MIDEAS: variants seen among roughly 807,000 people sequenced by gnomAD.
The protein encoded by MIDEAS is mitotic deacetylase associated SANT domain protein, also known as mitotic deacetylase-associated SANT domain protein.
A neutral mutation model predicts 102.7 loss-of-function variants in MIDEAS; 26 were observed. That is an observed-to-expected ratio of 0.25 (90% CI 0.19 to 0.35). The LOEUF (loss-of-function observed/expected upper bound fraction) is 0.35, where lower values mean the gene tolerates loss of function less well. Among genes scored for constraint, MIDEAS ranks in the 10% least tolerant of loss-of-function variants. The pLI, the probability that MIDEAS is intolerant of heterozygous loss-of-function variation, is 1.00. For synonymous variants in MIDEAS, 585 were observed against 591.0 expected (o/e 0.99, Z 0.15); for missense variants, 1,231 against 1,435.6 (o/e 0.86, Z 2.30).
At chr14:73,783,255 G>A (rs866405237) in intron 1 of MIDEAS, among the ~76,000 whole-genome samples, 7 of 152,142 alleles carry the variant, frequency 4.6e-5, no homozygotes, top group African/African-American at 1.7e-4. Flanking sequence ...CCCGGGGGAG[G>A]CCCACAGGGT....
chr14:73,722,328 A>G (rs2053005572), intron 10 of MIDEAS: 1 of 166,308 alleles, frequency 6.0e-6, no homozygotes, highest in Admixed American at 5.8e-5. Context: ...TAGTATATGA[A>G]TATGACAAAA....
chr14:73,766,851 ATT>A (rs34401057), intron 1 of MIDEAS, among the ~76,000 whole-genome samples: 10 of 75,898 alleles, frequency 1.3e-4, no homozygotes, highest in African/African-American at 4.7e-4. Context: ...CTGCCCGGCC[ATT>A]TTTTTTTTTT....
intron 10 of MIDEAS, 171 bp downstream of exon 10, chr14:73,722,527 G>A (rs2053008494): frequency 3.2e-6 from 2 of 633,782 alleles, no homozygotes; most frequent in Non-Finnish European, 5.4e-6. Context: ...GACACCAGCA[G>A]TATAGAGAGG....
chr14:73,753,196 G>A (rs2053442428), intron 1 of MIDEAS, among the ~76,000 whole-genome samples: 1 of 152,238 alleles, frequency 6.6e-6, no homozygotes, highest in African/African-American at 2.4e-5. Context: ...AGGGCTCAAG[G>A]CTGGGCTCCT....
Position 73,742,523 on chromosome 14 carries a change from T to A in MIDEAS, c.-247-2268A>T, listed in dbSNP as rs897181489. Among the ~76,000 whole-genome samples the A allele has an allele frequency of 3.0e-4, 46 of 152,188 alleles. No individual in the cohort carries two copies. The highest frequency in any genetic ancestry group is 6.0e-4 in the Non-Finnish European group (41 of 68,022). On this transcript the variant is annotated intron_variant, in intron 1 of 12. Transcript: ENST00000423556. This position sits in a 1 kb window ranked among gnomAD's most constrained non-coding sequence, Gnocchi z 4.4. Reference sequence around the variant, plus strand: ...TTACAGGGGCTTACCCACAGCTGTATGGTCAGCCCTGGAGGAGCTGAGCTC... The same window carrying A: ...TTACAGGGGCTTACCCACAGCTGTAAGGTCAGCCCTGGAGGAGCTGAGCTC...
intron 5 of MIDEAS, 101 bp from the exon 6 acceptor site, chr14:73,727,073 G>A (rs771595866): frequency 1.8e-4 from 264 of 1,428,930 alleles, no homozygotes; most frequent in Non-Finnish European, 2.3e-4. Context: ...AGCCGGCAGA[G>A]CAAGGCCTCA....
rs2052905515 is a variant in MIDEAS, at chr14:73,717,239, T to TA, written c.*1603dup. On this transcript the variant is annotated 3_prime_UTR_variant, in exon 13 of 13. Coordinates refer to ENST00000423556, the MANE Select transcript of MIDEAS (RefSeq NM_001367710.1). ...TCCTTCCTAATACGTTGACCTGTCA[T>TA]ACGCGCATTCACTTAGAATTTCTTT... 1 of 152,266 alleles carries TA rather than the reference T, an allele frequency of 6.6e-6. No homozygotes were observed. The highest frequency in any genetic ancestry group is 1.5e-5 in the Non-Finnish European group (1 of 68,050). The allele number at this position is 152,266 out of a possible 1,614,324, so 9.4% of individuals were successfully genotyped here.
chr14:73,740,224 C>T lies in MIDEAS; in HGVS notation c.-216G>A. Reference sequence around the variant, plus strand: ...AGGCTCTGGGGCTCAGCTACTCTTCCCAGTTCATGATGCTCCACAGGGTTC... The same window carrying T: ...AGGCTCTGGGGCTCAGCTACTCTTCTCAGTTCATGATGCTCCACAGGGTTC... On this transcript the variant is annotated 5_prime_UTR_variant, in exon 2 of 13. It introduces an in-frame stop codon into an upstream open reading frame of the 5' UTR. Transcript: ENST00000423556. 2.1e-6 allele frequency: 1 copy of T among 485,734 alleles called. No homozygotes were observed. Among genetic ancestry groups the T allele is most frequent in the Non-Finnish European group, 3.3e-6 (1 of 301,094 alleles). 30.1% of individuals were successfully genotyped at this position (485,734 alleles called of 1,614,324 possible). A position where few individuals can be genotyped will look rare whatever the true frequency, so the allele number is the denominator to read the frequency against.
At chr14:73,729,267 G>C (rs566636389) in intron 4 of MIDEAS, 76 of 185,038 alleles carry the variant, frequency 4.1e-4, no homozygotes, top group Non-Finnish European at 7.4e-4. Context: ...TGGCTATTAG[G>C]TTGAACCAAA....
intron 1 of MIDEAS, among the ~76,000 whole-genome samples, chr14:73,766,054 C>T (rs1334009806): frequency 6.6e-6 from 1 of 152,240 alleles, no homozygotes; most frequent in Non-Finnish European, 1.5e-5. Context: ...TTCCCTTCCT[C>T]CCTTCCTCCA....
intron 4 of MIDEAS, 121 bp downstream of exon 4, chr14:73,729,519 A>G: frequency 1.2e-6 from 1 of 821,398 alleles, no homozygotes; most frequent in Non-Finnish European, 1.9e-6. Flanking sequence ...GAGAAGACAG[A>G]GCAGAGCTCC....
rs2053300779 is a variant in MIDEAS at position 73,742,872 on chromosome 14, TAAG to T, written c.-247-2620_-247-2618del. Among the ~76,000 whole-genome samples the T allele has an allele frequency of 6.6e-6, 1 of 152,122 alleles. No individual in the cohort carries two copies. Among genetic ancestry groups the T allele is most frequent in the African/African-American group, 2.4e-5 (1 of 41,416 alleles). On this transcript the variant is annotated intron_variant, in intron 1 of 12. Transcript: ENST00000423556. The surrounding 1 kb of genome is among the most constrained non-coding windows in gnomAD (Gnocchi z 4.4). The stretch of plus-strand genomic sequence containing the variant: ...GAGGCACACCTAGGCAGCAGGGCAC[TAAG>T]TAGTCATAGGAGTAATGATGATGGT...
rs538451179 is a variant in MIDEAS, at chr14:73,738,496, C to T, written c.1449+64G>A. The T allele has an allele frequency of 9.6e-6, 9 of 936,472 alleles. No individual in the cohort carries two copies. The African/African-American group carries it at 1.1e-4, about 12-fold the overall frequency. 58.0% of individuals were successfully genotyped at this position (936,472 alleles called of 1,614,324 possible). ...TTCCCTAGGCAAGAAGCAAATCCTG[C>T]AGCCGCCCACCTATCAGCCTGATGC... On this transcript the variant is annotated intron_variant, in intron 2 of 12. Coordinates refer to ENST00000423556, the MANE Select transcript of MIDEAS (RefSeq NM_001367710.1).
chr14:73,726,216 C>T, intron 7 of MIDEAS, 108 bp from the exon 8 acceptor site: 1 of 908,490 alleles, frequency 1.1e-6, no homozygotes, highest in Non-Finnish European at 1.8e-6. Context: ...CTTACTCTTG[C>T]CCCCTTAACT....
At chr14:73,730,775 A>G (rs572700918) in intron 3 of MIDEAS, among the ~76,000 whole-genome samples, 1 of 152,216 alleles carries the variant, frequency 6.6e-6, no homozygotes, top group Admixed American at 6.5e-5. Context: ...CCTGGCCAAC[A>G]TGGCAAAACC....
intron 1 of MIDEAS, among the ~76,000 whole-genome samples, chr14:73,741,707 C>T (rs2053283445): frequency 6.6e-6 from 1 of 152,186 alleles, no homozygotes; most frequent in South Asian, 2.1e-4. Context: ...GCCTCCTGCC[C>T]GCCTGCGTGA....
At chr14:73,772,702 T>C (rs2053652330) in intron 1 of MIDEAS, among the ~76,000 whole-genome samples, 1 of 152,162 alleles carries the variant, frequency 6.6e-6, no homozygotes, top group South Asian at 2.1e-4. Context: ...CTCTTTTCCT[T>C]TTTAGAATTA....
Position 73,719,324 on chromosome 14 carries a change from G to C in MIDEAS, c.3115C>G (p.Pro1039Ala). ...SKTQNQENTF[P>A]CKKCGRVFYK... ...CCTTACCTGCCACATTTTTTACAGG[G>C]GAAAGTGTTCTCCTGATTCTGGGTC... is the stretch of plus-strand genomic sequence containing the variant. Residue 1039 changes from proline to alanine, a missense_variant, in exon 12 of 13, where the codon CCC (proline) becomes GCC (alanine). Coordinates refer to ENST00000423556, the MANE Select transcript of MIDEAS (RefSeq NM_001367710.1). The C allele has an allele frequency of 1.2e-6, 2 of 1,613,374 alleles. No homozygotes were observed. Among genetic ancestry groups the C allele is most frequent in the South Asian group, 2.2e-5 (2 of 91,022 alleles).
At chr14:73,756,298 G>A (rs1359400614) in intron 1 of MIDEAS, among the ~76,000 whole-genome samples, 4 of 104,146 alleles carry the variant, frequency 3.8e-5, no homozygotes, top group Non-Finnish European at 7.1e-5. Context: ...GTGTGTGTGC[G>A]CGCGCGCGTG....
Sources: gnomAD v4.1 joint callset for allele counts (sites outside exome capture counted in the v4.1 genomes callset) on GRCh38, gnomAD v4.1.1 for gene constraint, Gnocchi (gnomAD v3.1) non-coding constraint, MANE v1.5 for transcripts, NCBI Gene and HGNC (gene_info 2026-07-23, HGNC 2026-07-21) for gene names.